The following COLGALT1 variants were observed in gnomAD, a reference collection of about 807,000 sequenced individuals.
COLGALT1 encodes the protein procollagen galactosyltransferase 1.
In COLGALT1, 43 loss-of-function variants were observed where a neutral mutation model predicts 60.8. The observed-to-expected ratio is 0.71, with a 90% CI of 0.55 to 0.91. The LOEUF is 0.91. COLGALT1 is among the 40% of genes least tolerant of loss of function. The probability of loss-of-function intolerance (pLI) is 0.00; values close to 1 mark genes in which losing one functional copy is unlikely to be tolerated. For synonymous variants in COLGALT1, 369 were observed against 374.2 expected (o/e 0.99, Z 0.16); for missense variants, 845 against 880.0 (o/e 0.96, Z 0.50).
intron 1 of COLGALT1, among the ~76,000 whole-genome samples, chr19:17,557,233 A>G (rs1195091549): frequency 6.6e-6 from 1 of 152,136 alleles, no homozygotes; most frequent in East Asian, 1.9e-4. Flanking sequence ...ACTGCAGCCC[A>G]CTGAAGTGGT....
intron 3 of COLGALT1, among the ~76,000 whole-genome samples, chr19:17,561,388 G>T (rs1038092201): frequency 1.5e-4 from 23 of 151,276 alleles, no homozygotes; most frequent in African/African-American, 5.6e-4. Context: ...GCCGTGTCAC[G>T]TCTGTTTTTA....
intron 6 of COLGALT1, among the ~76,000 whole-genome samples, chr19:17,574,276 G>C (rs897641088): frequency 6.6e-6 from 1 of 152,060 alleles, no homozygotes; most frequent in Non-Finnish European, 1.5e-5. Flanking sequence ...TCTATCTGCG[G>C]CTCCCCCTGG....
At chr19:17,572,380 G>T in intron 5 of COLGALT1, 103 bp from the exon 6 acceptor site, 1 of 1,564,700 alleles carries the variant, frequency 6.4e-7, no homozygotes, top group East Asian at 2.3e-5. Flanking sequence ...CTGACCTCAA[G>T]CGATCCTCCT....
chr19:17,570,396 T>G (rs1050184637), intron 5 of COLGALT1, among the ~76,000 whole-genome samples: 2 of 151,790 alleles, frequency 1.3e-5, no homozygotes, highest in Non-Finnish European at 2.9e-5. Context: ...CCTGCCTACA[T>G]GCCCAGCTAA....
intron 9 of COLGALT1, among the ~76,000 whole-genome samples, chr19:17,578,737 G>A (rs187043666): frequency 1.5e-4 from 23 of 152,292 alleles, no homozygotes; most frequent in African/African-American, 1.2e-4. Context: ...ATGGCTGGGC[G>A]TGGTGGCTCA....
intron 5 of COLGALT1, among the ~76,000 whole-genome samples, chr19:17,569,891 C>CTTTTTTT (rs71162156): frequency 0.063 from 6,203 of 98,584 alleles, 730 homozygotes; most frequent in Admixed American, 0.14. Context: ...CCACTAATTA[C>CTTTTTTT]TTTTTTTTTT....
At chr19:17,557,856 C>A (rs1446671563) in intron 1 of COLGALT1, among the ~76,000 whole-genome samples, 1 of 152,204 alleles carries the variant, frequency 6.6e-6, no homozygotes, top group East Asian at 1.9e-4. Flanking sequence ...CCCACCTCGG[C>A]CTCCCAACAT....
chr19:17,569,918 G>A (rs1253986378), intron 5 of COLGALT1, among the ~76,000 whole-genome samples: 18 of 30,038 alleles, frequency 6.0e-4, no homozygotes, highest in Non-Finnish European at 1.2e-3. Context: ...TTTTTGAGAC[G>A]GAGTCTCGCT....
Position 17,581,909 on chromosome 19 carries a change from A to ATT in COLGALT1, c.*483_*484dup, listed in dbSNP as rs34244232. The ATT allele has an allele frequency of 0.16, 22,865 of 140,140 alleles. 1,989 individuals carry two copies. Among genetic ancestry groups the ATT allele is most frequent in the East Asian group, 0.25 (1,179 of 4,726 alleles). 8.7% of individuals were successfully genotyped at this position (140,140 alleles called of 1,614,324 possible). A position where few individuals can be genotyped will look rare whatever the true frequency, so the allele number is the denominator to read the frequency against. Reference sequence around the variant, plus strand: ...GTTGGGTGCCATTCCAGGCTCTGGGATTTTTTTTTTTTTTTTTTTAAGAGT... The same window carrying ATT: ...GTTGGGTGCCATTCCAGGCTCTGGGATTTTTTTTTTTTTTTTTTTTTAAGAGT... On this transcript the variant is annotated 3_prime_UTR_variant, in exon 12 of 12. Coordinates refer to ENST00000252599, the MANE Select transcript of COLGALT1 (RefSeq NM_024656.4).
chr19:17,575,664 C>T (rs1173946770), intron 6 of COLGALT1, among the ~76,000 whole-genome samples: 3 of 151,736 alleles, frequency 2.0e-5, no homozygotes, highest in Admixed American at 6.6e-5. Context: ...CAGGCATGAA[C>T]CACTGTGCCC....
At position 17,568,661 on chromosome 19, in the gene COLGALT1, C is replaced by A; in HGVS notation, c.777C>A (p.Tyr259Ter). Residue 259 changes from tyrosine to a stop codon, truncating the protein, a stop_gained, in exon 5 of 12, where the codon TAC becomes TAA. Transcript: ENST00000252599. LOFTEE classifies it high-confidence loss of function. ...NLAFYPPHPD[Y>*]TWSFDDIIVF... The stretch of plus-strand genomic sequence containing the variant: ...CCTTCTACCCACCTCACCCTGACTA[C>A]ACCTGGTCCTTTGACGACATCATCG... 6.2e-7 allele frequency: 1 copy of A among 1,614,230 alleles called. No homozygotes were observed. Among genetic ancestry groups the A allele is most frequent in the Non-Finnish European group, 8.5e-7 (1 of 1,180,038 alleles).
chr19:17,580,891 C>T lies in COLGALT1; in HGVS notation c.1587C>T (p.Phe529=), dbSNP rs372863165. 8.1e-6 allele frequency: 13 copies of T among 1,613,662 alleles called. No individual in the cohort carries two copies. Among genetic ancestry groups the T allele is most frequent in the East Asian group, 2.2e-5 (1 of 44,882 alleles). Reference sequence around the variant, plus strand: ...TGGACGAGTTCCTGCCCGTCATGTTCGACAAACACCCAGTGTGAGAGGGGC... The same window carrying T: ...TGGACGAGTTCCTGCCCGTCATGTTTGACAAACACCCAGTGTGAGAGGGGC... The part of the protein sequence containing the change: ...LPVDEFLPVM[F]DKHPVSEYKA... Residue 529 remains phenylalanine, a synonymous_variant, in exon 11 of 12, where the codon TTC becomes TTT. Transcript: ENST00000252599.
chr19:17,572,734 G>A (rs974893595), intron 6 of COLGALT1, 132 bp downstream of exon 6: 13 of 1,321,354 alleles, frequency 9.8e-6, no homozygotes, highest in Middle Eastern at 2.6e-4. Context: ...TGGGTGCAAC[G>A]GCACGTGTGA....
Position 17,572,498 on chromosome 19 carries a change from T to A in COLGALT1, c.845T>A (p.Val282Glu), listed in dbSNP as rs761898210. The part of the protein sequence containing the change: ...SCKQAEVQMY[V>E]CNKEEYGFLP... ...CCCACTGCAGAGGTTCAGATGTATG[T>A]GTGCAACAAGGAGGAGTACGGATTC... Residue 282 changes from valine (V) to glutamate (E), a missense_variant, in exon 6 of 12, where the codon GTG (valine) becomes GAG (glutamate). Coordinates refer to ENST00000252599, the MANE Select transcript of COLGALT1 (RefSeq NM_024656.4). 3.7e-6 allele frequency: 6 copies of A among 1,614,004 alleles called. No individual in the cohort carries two copies. The Admixed American group carries it at 1.0e-4, about 27-fold the overall frequency.
At chr19:17,560,799 A>C (rs4808088) in intron 3 of COLGALT1, among the ~76,000 whole-genome samples, 134,768 of 151,652 alleles carry the variant, frequency 0.89, 60,314 homozygotes, top group African/African-American at 0.96. Flanking sequence ...GTGCCGCAAT[A>C]TCGGCTCACT....
chr19:17,580,516 TTC>T (rs2076373774), intron 10 of COLGALT1, 181 bp from the exon 11 acceptor site: 1 of 624,666 alleles, frequency 1.6e-6, no homozygotes, highest in African/African-American at 1.8e-5. Flanking sequence ...AAACTCACTC[TTC>T]TCCCCCATGA....
chr19:17,580,627 G>C, intron 10 of COLGALT1, 72 bp from the exon 11 acceptor site: 1 of 1,507,706 alleles, frequency 6.6e-7, no homozygotes, highest in Non-Finnish European at 9.1e-7. Flanking sequence ...GGGGTAACTA[G>C]ATCCCTGGCT....
chr19:17,577,951 C>T lies in COLGALT1; in HGVS notation c.1134-6C>T, dbSNP rs983078335. 3 of 1,606,308 alleles carry T rather than the reference C, an allele frequency of 1.9e-6. No individual in the cohort carries two copies. The highest frequency in any genetic ancestry group is 1.3e-5 in the African/African-American group (1 of 74,818). On this transcript the variant is annotated splice_polypyrimidine_tract_variant and splice_region_variant and intron_variant, in intron 8 of 11. Transcript: ENST00000252599. Reference sequence around the variant, plus strand: ...TTCTTCGTGACCCTCTCCTCCTCCTCTCCAGAGCCATGAACACCAGCCAGG... The same window carrying T: ...TTCTTCGTGACCCTCTCCTCCTCCTTTCCAGAGCCATGAACACCAGCCAGG...
chr19:17,562,772 G>C (rs1013236560), intron 3 of COLGALT1, among the ~76,000 whole-genome samples: 1 of 152,126 alleles, frequency 6.6e-6, no homozygotes, highest in South Asian at 2.1e-4. Context: ...AAGGCAGGGG[G>C]TTCAGGATGC....
Sources: gnomAD v4.1 joint callset for allele counts (sites outside exome capture counted in the v4.1 genomes callset) on GRCh38, gnomAD v4.1.1 for gene constraint, MANE v1.5 for transcripts, NCBI Gene and HGNC (gene_info 2026-07-23, HGNC 2026-07-21) for gene names.